The following SYNE2 variants were observed in gnomAD, a reference collection of about 807,000 sequenced individuals.
The protein encoded by SYNE2 is spectrin repeat containing nuclear envelope protein 2, also known as nesprin-2.
SYNE2 carries 431 observed loss-of-function variants against 856.3 expected under a neutral mutation model. That is an observed-to-expected ratio of 0.50 (90% CI 0.47 to 0.55). SYNE2 has a LOEUF of 0.55. SYNE2 is among the 20% of genes least tolerant of loss of function. The pLI, the probability that SYNE2 is intolerant of heterozygous loss-of-function variation, is 0.00. For missense variants in SYNE2, 8,129 were observed against 8,023.2 expected, an observed-to-expected ratio of 1.01 and a Z score of -0.50; for synonymous variants, 2,923 against 2,872.3, an observed-to-expected ratio of 1.02 and a Z score of -0.56.
In SYNE2 at chr14:64,062,874, A is replaced by G. The variant is rs1275702667; in HGVS notation, c.10191A>G (p.Leu3397=). 2.5e-6 allele frequency: 4 copies of G among 1,614,206 alleles called. No individual in the cohort carries two copies. In the South Asian group the frequency reaches 3.3e-5, roughly 13 times the overall value. The change falls in exon 50 of 116, where the codon TTA becomes TTG. Residue 3397 remains leucine (L), a synonymous_variant. Transcript: ENST00000555002. ...TGCCACTGTCTTACAGAGAAGCTTT[A>G]GAGCGCTTGGAACAGAGCAAGGTAA... The part of the protein sequence containing the change: ...SSLPLSYREA[L]ERLEQSKALV...
In SYNE2 at chr14:64,029,746, C is replaced by T. The variant is rs2097016431; in HGVS notation, c.6715-149C>T. ...AGACTTTGCAGTGAAATATCTCCAACTCTAAAATCTTTAGAACTCTAATTT... is the reference window on the plus strand; with the variant it reads ...AGACTTTGCAGTGAAATATCTCCAATTCTAAAATCTTTAGAACTCTAATTT... On this transcript the variant is annotated intron_variant, in intron 43 of 115. Coordinates refer to ENST00000555002, the MANE Select transcript of SYNE2 (RefSeq NM_182914.3). The T allele has an allele frequency of 1.3e-5, 13 of 980,180 alleles. No individual in the cohort carries two copies. The South Asian group carries it at 2.0e-4, about 15-fold the overall frequency. The allele number at this position is 980,180 out of a possible 1,614,324, so 60.7% of individuals were successfully genotyped here. A position where few individuals can be genotyped will look rare whatever the true frequency, so the allele number is the denominator to read the frequency against.
At chr14:63,913,177 C>G (rs971862869) in intron 2 of SYNE2, among the ~76,000 whole-genome samples, 7 of 152,130 alleles carry the variant, frequency 4.6e-5, no homozygotes, top group Non-Finnish European at 8.8e-5. Context: ...TCAAGTGATC[C>G]TCCTACCTCA....
intron 1 of SYNE2, among the ~76,000 whole-genome samples, chr14:63,802,850 C>T (rs535198107): frequency 6.6e-6 from 1 of 152,150 alleles, no homozygotes; most frequent in East Asian, 1.9e-4. Flanking sequence ...GTTGTTCGTT[C>T]CTCCTGGTGG....
At chr14:63,800,645 G>C (rs151213934) in intron 1 of SYNE2, among the ~76,000 whole-genome samples, 102 of 152,300 alleles carry the variant, frequency 6.7e-4, no homozygotes, top group Middle Eastern at 6.8e-3. Context: ...AAAAGAAAAA[G>C]ATCATGTATT....
chr14:64,024,385 C>T lies in SYNE2; in HGVS notation c.5766C>T (p.Phe1922=), dbSNP rs774000030. 6 of 1,614,016 alleles carry T rather than the reference C, an allele frequency of 3.7e-6. 1 individual carries two copies. The Admixed American group carries it at 6.7e-5, about 18-fold the overall frequency. ...TCAGTTGGCTCGTGGGTCAGGAATT[C>T]GAATTAGAAAAAATGGAGTCCATAT... ...ELISWLVGQE[F]ELEKMESICQ... The change falls in exon 39 of 116, where the codon TTC becomes TTT. Residue 1922 remains phenylalanine, a synonymous_variant. Transcript: ENST00000555002.
At chr14:64,053,953 A>G (rs2097248936) in intron 48 of SYNE2, among the ~76,000 whole-genome samples, 1 of 152,218 alleles carries the variant, frequency 6.6e-6, no homozygotes, top group South Asian at 2.1e-4. Flanking sequence ...TGGGTGACCA[A>G]GTGAGACTCT....
Position 63,980,634 on chromosome 14 carries a change from GTTT to G in SYNE2, c.1570-16_1570-14del. 1.3e-6 allele frequency: 2 copies of G among 1,502,336 alleles called. No homozygotes were observed. Among genetic ancestry groups the G allele is most frequent in the South Asian group, 1.1e-5 (1 of 88,146 alleles). 93.1% of individuals were successfully genotyped at this position (1,502,336 alleles called of 1,614,324 possible). A position where few individuals can be genotyped will look rare whatever the true frequency, so the allele number is the denominator to read the frequency against. ...TTTTAAAAGTAAAAACTGTCAATAT[GTTT>G]TTTGTTTTCTTCCCAGAAATTTATT... On this transcript the variant is annotated splice_polypyrimidine_tract_variant and intron_variant, in intron 14 of 115. Coordinates refer to ENST00000555002, the MANE Select transcript of SYNE2 (RefSeq NM_182914.3).
At chr14:63,958,402 G>A (rs1006220347) in intron 8 of SYNE2, among the ~76,000 whole-genome samples, 1 of 152,088 alleles carries the variant, frequency 6.6e-6, no homozygotes, top group Non-Finnish European at 1.5e-5. Context: ...TACTGGTTAG[G>A]TATTTTGTAG....
chr14:64,198,638 TC>T (rs1195051316), intron 99 of SYNE2, among the ~76,000 whole-genome samples: 3 of 151,812 alleles, frequency 2.0e-5, no homozygotes, highest in African/African-American at 7.3e-5. Context: ...CCTCCCACCT[TC>T]CCCCCCTCTT....
At position 64,082,544 on chromosome 14, in the gene SYNE2, G is replaced by T. The variant is rs1391017251; in HGVS notation, c.11484+964G>T. Among the ~76,000 whole-genome samples the T allele has an allele frequency of 2.0e-5, 3 of 152,242 alleles. No individual in the cohort carries two copies. The East Asian group carries it at 5.8e-4, about 29-fold the overall frequency. ...CAAAGGCTTTTTCTAGAAGCTGAGA[G>T]TCAATGAGAGCCAGCAAGGAAACAG... On this transcript the variant is annotated intron_variant, in intron 57 of 115. Coordinates refer to ENST00000555002, the MANE Select transcript of SYNE2 (RefSeq NM_182914.3).
chr14:64,198,478 C>T (rs944754148), intron 99 of SYNE2, among the ~76,000 whole-genome samples: 5 of 152,134 alleles, frequency 3.3e-5, no homozygotes, highest in African/African-American at 1.2e-4. Flanking sequence ...CCTGATGAGT[C>T]CCAGGGTAAG....
chr14:64,212,337 C>T (rs1167920765), intron 104 of SYNE2, among the ~76,000 whole-genome samples: 1 of 152,232 alleles, frequency 6.6e-6, no homozygotes, highest in African/African-American at 2.4e-5. Flanking sequence ...CCCATTGTTT[C>T]TGATATCTGT....
At chr14:64,166,864 C>A in intron 90 of SYNE2, 2 of 268,018 alleles carry the variant, frequency 7.5e-6, no homozygotes, top group Non-Finnish European at 1.5e-5. Flanking sequence ...ACCCAGGAGG[C>A]GGAGGTTGCA....
chr14:63,765,334 C>G (rs1039911953), intron 1 of SYNE2, among the ~76,000 whole-genome samples: 7 of 152,136 alleles, frequency 4.6e-5, no homozygotes, highest in African/African-American at 1.7e-4. Flanking sequence ...CAAATTCATA[C>G]TCATATGCGA....
chr14:64,126,584 C>A lies in SYNE2; in HGVS notation c.13708-14C>A, dbSNP rs11850329. ...TCAGAGCTCATTCATTGTCTTCCTT[C>A]CTCTCCACTCCAGACGCTGGCTCTT... On this transcript the variant is annotated splice_polypyrimidine_tract_variant and intron_variant, in intron 72 of 115. Transcript: ENST00000555002. 9.5e-4 allele frequency: 1,534 copies of A among 1,614,178 alleles called. 15 individuals carry two copies. In the African/African-American group the frequency reaches 0.019, roughly 20 times the overall value.
In SYNE2 at chr14:64,025,314, C is replaced by G; in HGVS notation, c.6145C>G (p.Leu2049Val). Residue 2049 changes from leucine to valine, a missense_variant, in exon 41 of 116, where the codon CTT becomes GTT. Physicochemically the swap from Leu to Val is conservative, Grantham distance 32. Coordinates refer to ENST00000555002, the MANE Select transcript of SYNE2 (RefSeq NM_182914.3). ...CACAGAGGACCAGAGCTTTAATGAT[C>G]TTGCACATGATGTAATTCATTGGAT... The part of the protein sequence containing the change: ...LPTEDQSFND[L>V]AHDVIHWIKE... 6.2e-7 allele frequency: 1 copy of G among 1,614,062 alleles called. No homozygotes were observed.
At position 64,175,141 on chromosome 14, in the gene SYNE2, A is replaced by G. The variant is rs760623103; in HGVS notation, c.17430+3A>G. ...AGCAGTTCCAGAGCACTGTAGAGGT[A>G]AACTCACCACTTACTTTTCCATTCA... is the stretch of plus-strand genomic sequence containing the variant. On this transcript the variant is annotated splice_donor_region_variant and intron_variant, in intron 95 of 115. Coordinates refer to ENST00000555002, the MANE Select transcript of SYNE2 (RefSeq NM_182914.3). The G allele has an allele frequency of 1.2e-6, 2 of 1,613,802 alleles. No individual in the cohort carries two copies. The highest frequency in any genetic ancestry group is 3.3e-5 in the Admixed American group (2 of 60,002).
intron 48 of SYNE2, among the ~76,000 whole-genome samples, chr14:64,054,351 C>T (rs2097252232): frequency 6.6e-6 from 1 of 152,172 alleles, no homozygotes. Context: ...TTATGTAGAA[C>T]TTACAGTGTT....
At chr14:63,768,980 T>C (rs1886790762) in intron 1 of SYNE2, among the ~76,000 whole-genome samples, 1 of 151,998 alleles carries the variant, frequency 6.6e-6, no homozygotes, top group African/African-American at 2.4e-5. Flanking sequence ...GCCAATAAGA[T>C]TAGAAGAGGA....
Sources: gnomAD v4.1 joint callset for allele counts (sites outside exome capture counted in the v4.1 genomes callset) on GRCh38, gnomAD v4.1.1 for gene constraint, MANE v1.5 for transcripts, NCBI Gene and HGNC (gene_info 2026-07-23, HGNC 2026-07-21) for gene names.